Variants in XKR4 observed in about 807,000 individuals in gnomAD.
The protein encoded by XKR4 is XK related 4.
In XKR4, 12 loss-of-function variants were observed where a neutral mutation model predicts 53.9. The observed-to-expected ratio is 0.22, with a 90% confidence interval of 0.14 to 0.36. The LOEUF is 0.36. Ranked by LOEUF, XKR4 falls within the 10% of genes least tolerant of loss-of-function variation. XKR4 has a pLI of 1.00. For synonymous variants in XKR4, 354 were observed against 362.4 expected (o/e 0.98, Z 0.26); for missense variants, 799 against 859.5 (o/e 0.93, Z 0.88).
intron 1 of XKR4, among the ~76,000 whole-genome samples, chr8:55,147,348 AGG>A (rs1434417811): frequency 6.6e-6 from 1 of 152,378 alleles, no homozygotes; most frequent in African/African-American, 2.4e-5. Flanking sequence ...TGGGCCACTT[AGG>A]TGGACCAGCC....
intron 1 of XKR4, among the ~76,000 whole-genome samples, chr8:55,335,181 G>T (rs185166758): frequency 3.3e-5 from 5 of 152,130 alleles, no homozygotes; most frequent in African/African-American, 1.2e-4. Flanking sequence ...AAGCCCAGAG[G>T]CAATAAAGTT....
At chr8:55,250,095 C>T (rs1818343548) in intron 1 of XKR4, among the ~76,000 whole-genome samples, 1 of 152,068 alleles carries the variant, frequency 6.6e-6, no homozygotes, top group African/African-American at 2.4e-5. Flanking sequence ...ATACATTGTT[C>T]AAAGTCATTT....
Position 55,289,580 on chromosome 8 carries a change from GAAGAAAGAAAGAGAAAGAAAGAAAGA to G in XKR4, c.807-68085_807-68060del, listed in dbSNP as rs1563316347. Among the ~76,000 whole-genome samples, 87 of 86,064 alleles carry G rather than the reference GAAGAAAGAAAGAGAAAGAAAGAAAGA, an allele frequency of 1.0e-3. 1 individual carries two copies. The highest frequency in any genetic ancestry group is 4.2e-3 in the East Asian group (13 of 3,064). The allele number at this position is 86,064 out of a possible 152,430, so 56.5% of individuals were successfully genotyped here. ...AGGAAGGAAGGAAGGAGAGAGAAAGGAAGAAAGAAAGAGAAAGAAAGAAAGAAAGAAAGAAAGAAAGAAAGAAAGAA... is the reference window on the plus strand; with the variant it reads ...AGGAAGGAAGGAAGGAGAGAGAAAGGAAGAAAGAAAGAAAGAAAGAAAGAA... On this transcript the variant is annotated intron_variant, in intron 1 of 2. Coordinates refer to ENST00000327381, the MANE Select transcript of XKR4 (RefSeq NM_052898.2).
chr8:55,407,720 A>C (rs922283173), intron 2 of XKR4, among the ~76,000 whole-genome samples: 24 of 152,358 alleles, frequency 1.6e-4, no homozygotes, highest in Admixed American at 1.5e-3. Context: ...CTCACGGAAA[A>C]GACCGTTCCT....
At chr8:55,293,906 T>A (rs1358415390) in intron 1 of XKR4, among the ~76,000 whole-genome samples, 1 of 152,242 alleles carries the variant, frequency 6.6e-6, no homozygotes, top group Admixed American at 6.5e-5. Flanking sequence ...TTTATTTATA[T>A]CTGCATTTAA....
chr8:55,454,605 A>G (rs756211655), intron 2 of XKR4: 3 of 1,363,394 alleles, frequency 2.2e-6, no homozygotes, highest in Non-Finnish European at 3.1e-6. Context: ...CAGCCCCCAA[A>G]TAAATCGTCC....
intron 1 of XKR4, among the ~76,000 whole-genome samples, chr8:55,188,519 C>T (rs1356452946): frequency 3.3e-5 from 5 of 152,220 alleles, no homozygotes; most frequent in African/African-American, 4.8e-5. Context: ...AGTCGTTCAA[C>T]AGCTCCTGTC....
chr8:55,455,262 G>C (rs547545876), intron 2 of XKR4: 275 of 167,728 alleles, frequency 1.6e-3, no homozygotes, highest in Non-Finnish European at 2.9e-3. Context: ...GGCCGCAGCG[G>C]CTGCGGCTGC....
At chr8:55,306,786 C>T (rs1215962643) in intron 1 of XKR4, among the ~76,000 whole-genome samples, 1 of 152,140 alleles carries the variant, frequency 6.6e-6, no homozygotes, top group African/African-American at 2.4e-5. Flanking sequence ...AAGTGCTCAA[C>T]TGATTTTTGG....
At chr8:55,340,901 C>T (rs527853284) in intron 1 of XKR4, among the ~76,000 whole-genome samples, 14 of 152,200 alleles carry the variant, frequency 9.2e-5, no homozygotes, top group East Asian at 1.9e-4. Context: ...CATGTGTCAC[C>T]GCGCAGAGAT....
intron 1 of XKR4, among the ~76,000 whole-genome samples, chr8:55,293,548 A>C (rs769038748): frequency 2.0e-5 from 3 of 152,188 alleles, no homozygotes; most frequent in Non-Finnish European, 4.4e-5. Context: ...ATATCTGCTT[A>C]AGTTTTGAGA....
intron 2 of XKR4, among the ~76,000 whole-genome samples, chr8:55,439,684 A>G (rs77229782): frequency 1.2e-3 from 178 of 152,352 alleles, no homozygotes; most frequent in Non-Finnish European, 2.0e-3. Flanking sequence ...AGAGACAAAG[A>G]CATATAAAAT....
At position 55,523,882 on chromosome 8, in the gene XKR4, T is replaced by G; in HGVS notation, c.1608T>G (p.Thr536=). ...GTGAGGACCCAGCCGCTGCCTTCAC[T>G]TTGCCCCCAGACGTGGCCACAAGCA... ...CACEDPAAAF[T]LPPDVATSTL... is the part of the protein sequence containing the mutation. The change falls in exon 3 of 3, where the codon ACT becomes ACG. Residue 536 remains threonine (T), a synonymous_variant. Coordinates refer to ENST00000327381, the MANE Select transcript of XKR4 (RefSeq NM_052898.2). 1.2e-6 allele frequency: 2 copies of G among 1,614,142 alleles called. No homozygotes were observed. The highest frequency in any genetic ancestry group is 2.7e-5 in the African/African-American group (2 of 75,034).
At chr8:55,492,451 G>A (rs1806285120) in intron 2 of XKR4, among the ~76,000 whole-genome samples, 1 of 152,144 alleles carries the variant, frequency 6.6e-6, no homozygotes, top group South Asian at 2.1e-4. Flanking sequence ...ATTTTACTGG[G>A]TTTAAAAGAT....
At chr8:55,334,828 T>G (rs1209406778) in intron 1 of XKR4, among the ~76,000 whole-genome samples, 1 of 152,142 alleles carries the variant, frequency 6.6e-6, no homozygotes, top group Non-Finnish European at 1.5e-5. Flanking sequence ...TCTGAAGGAC[T>G]GGGGTTATGT....
intron 2 of XKR4, among the ~76,000 whole-genome samples, chr8:55,402,963 C>A (rs1197244639): frequency 2.0e-5 from 3 of 152,152 alleles, no homozygotes; most frequent in Non-Finnish European, 4.4e-5. Context: ...AGGAGCATCA[C>A]AAATCAGAAT....
At chr8:55,266,732 G>C (rs1818607140) in intron 1 of XKR4, among the ~76,000 whole-genome samples, 1 of 152,148 alleles carries the variant, frequency 6.6e-6, no homozygotes, top group Non-Finnish European at 1.5e-5. Context: ...TTCTGTCTTG[G>C]GGCAAGAACC....
intron 1 of XKR4, among the ~76,000 whole-genome samples, chr8:55,123,710 T>A (rs117008037): frequency 0.016 from 2,459 of 152,336 alleles, 28 homozygotes; most frequent in Middle Eastern, 0.048. Flanking sequence ...CACGTGCCTC[T>A]ATGTAATATC....
chr8:55,157,602 A>G (rs566469000), intron 1 of XKR4, among the ~76,000 whole-genome samples: 2 of 152,204 alleles, frequency 1.3e-5, no homozygotes, highest in East Asian at 3.9e-4. Flanking sequence ...GGTTGGGTAT[A>G]CAGATTATTT....
Sources: allele counts gnomAD v4.1 joint callset (sites outside exome capture counted in the v4.1 genomes callset), GRCh38; gene constraint gnomAD v4.1.1; transcripts MANE v1.5; gene names NCBI Gene and HGNC (gene_info 2026-07-23, HGNC 2026-07-21).